Variants in KNDC1 observed in about 807,000 individuals in gnomAD.
The protein encoded by KNDC1 is kinase non-catalytic C-lobe domain-containing protein 1.
KNDC1 carries 106 observed loss-of-function variants against 172.8 expected under a neutral mutation model. The observed-to-expected ratio is 0.61, with a 90% confidence interval of 0.52 to 0.72. The LOEUF (loss-of-function observed/expected upper bound fraction) is 0.72, where lower values mean the gene tolerates loss of function less well. KNDC1 is among the 30% of genes least tolerant of loss of function. The pLI, the probability that KNDC1 is intolerant of heterozygous loss-of-function variation, is 0.00. For missense variants in KNDC1, 2,325 were observed against 2,394.5 expected (o/e 0.97, Z 0.61); for synonymous variants, 1,083 against 1,062.2 (o/e 1.02, Z -0.38).
In KNDC1 at chr10:133,184,091, C is replaced by CACTGCACACACACCCAT. The variant is rs1043349428; in HGVS notation, c.625+120_625+136dup. 1.6e-5 allele frequency: 10 copies of CACTGCACACACACCCAT among 623,046 alleles called. No individual in the cohort carries two copies. The South Asian group carries it at 2.2e-4, about 14-fold the overall frequency. 38.6% of individuals were successfully genotyped at this position (623,046 alleles called of 1,614,324 possible). Reference sequence around the variant, plus strand: ...GCAAACACACCCATGCACACACACACACTGCACACACACCCATACTGCACA... The same window carrying CACTGCACACACACCCAT: ...GCAAACACACCCATGCACACACACACACTGCACACACACCCATACTGCACACACACCCATACTGCACA... On this transcript the variant is annotated intron_variant, in intron 5 of 29. Coordinates refer to ENST00000304613, the MANE Select transcript of KNDC1 (RefSeq NM_152643.8).
intron 3 of KNDC1, among the ~76,000 whole-genome samples, chr10:133,172,420 G>A (rs1344211244): frequency 6.6e-6 from 1 of 152,054 alleles, no homozygotes; most frequent in Non-Finnish European, 1.5e-5. Flanking sequence ...AACCTAAATT[G>A]GGCAAGTGTC....
chr10:133,224,547 C>G lies in KNDC1; in HGVS notation c.5019-112C>G, dbSNP rs115627819. 6.7e-6 allele frequency: 5 copies of G among 743,420 alleles called. No homozygotes were observed. The East Asian group carries it at 1.3e-4, about 20-fold the overall frequency. 46.1% of individuals were successfully genotyped at this position (743,420 alleles called of 1,614,324 possible). A position where few individuals can be genotyped will look rare whatever the true frequency, so the allele number is the denominator to read the frequency against. ...GACAACCCACCCTTCAGAATTTACACGGTGAAAAGATTTAGTCCAAATGAT... is the reference window on the plus strand; with the variant it reads ...GACAACCCACCCTTCAGAATTTACAGGGTGAAAAGATTTAGTCCAAATGAT... On this transcript the variant is annotated intron_variant, in intron 29 of 29. Coordinates refer to ENST00000304613, the MANE Select transcript of KNDC1 (RefSeq NM_152643.8). This position sits in a 1 kb window ranked among gnomAD's most constrained non-coding sequence, Gnocchi z 5.4.
At chr10:133,188,735 G>GCCGTCCCACCCCCCACA (rs1232738330) in intron 7 of KNDC1, 82 bp downstream of exon 7, 1 of 501,680 alleles carries the variant, frequency 2.0e-6, no homozygotes, top group African/African-American at 5.5e-5. Context: ...CCACACCCCC[G>GCCGTCCCACCCCCCACA]CCGTCCCACC....
intron 15 of KNDC1, among the ~76,000 whole-genome samples, chr10:133,199,859 CA>C (rs1175318095): frequency 1.3e-5 from 2 of 152,158 alleles, no homozygotes; most frequent in Non-Finnish European, 2.9e-5. Context: ...GAATATGAGG[CA>C]GGGGCTCTCC....
intron 26 of KNDC1, among the ~76,000 whole-genome samples, chr10:133,218,475 C>T (rs958713777): frequency 3.9e-5 from 6 of 152,214 alleles, no homozygotes; most frequent in African/African-American, 2.4e-5. Flanking sequence ...CCTGTGGACA[C>T]GACAGCGGCC....
At chr10:133,222,429 A>G (rs1845617526) in intron 29 of KNDC1, among the ~76,000 whole-genome samples, 2 of 147,018 alleles carry the variant, frequency 1.4e-5, no homozygotes, top group South Asian at 2.2e-4. Context: ...GAGCCCATCC[A>G]GGCATGCTCT....
Position 133,209,884 on chromosome 10 carries a change from C to T in KNDC1, c.3795-727C>T, listed in dbSNP as rs910642517. Among the ~76,000 whole-genome samples, 2 of 152,046 alleles carry T rather than the reference C, an allele frequency of 1.3e-5. No homozygotes were observed. Among genetic ancestry groups the T allele is most frequent in the African/African-American group, 4.8e-5 (2 of 41,378 alleles). On this transcript the variant is annotated intron_variant, in intron 20 of 29. Transcript: ENST00000304613. This position sits in a 1 kb window ranked among gnomAD's most constrained non-coding sequence, Gnocchi z 4.9. ...GCCTCCGCTTCCTGACCGTGGCCGT[C>T]GGGCTCCCAGGACAGTCCCAGACCT...
chr10:133,167,074 C>T (rs552189919), intron 1 of KNDC1: 71 of 450,632 alleles, frequency 1.6e-4, no homozygotes, highest in African/African-American at 1.0e-3. Flanking sequence ...GGGTGCTCCA[C>T]GGAGCAGGTG....
chr10:133,197,795 C>T lies in KNDC1; in HGVS notation c.1906+27C>T, dbSNP rs182276554. 91 of 1,520,304 alleles carry T rather than the reference C, an allele frequency of 6.0e-5. No homozygotes were observed. In the African/African-American group the frequency reaches 1.1e-3, roughly 18 times the overall value. 94.2% of individuals were successfully genotyped at this position (1,520,304 alleles called of 1,614,324 possible). The stretch of plus-strand genomic sequence containing the variant: ...TGGGGACCTGACCAGCCCCTGCTGC[C>T]CCACCAGCTCCTGCACCTGACACCA... On this transcript the variant is annotated intron_variant, in intron 12 of 29. Coordinates refer to ENST00000304613, the MANE Select transcript of KNDC1 (RefSeq NM_152643.8).
Position 133,197,695 on chromosome 10 carries a change from C to T in KNDC1, c.1833C>T (p.Thr611=). 6.2e-7 allele frequency: 1 copy of T among 1,613,238 alleles called. No individual in the cohort carries two copies. The highest frequency in any genetic ancestry group is 1.1e-5 in the South Asian group (1 of 91,076). ...CCCAGGTGTACCAGGAGGAAGAGAC[C>T]ATCAGCCTCCAAAACGCCTTCTCAG... ...SICQVYQEEE[T]ISLQNAFSVV... is the part of the protein sequence containing the mutation. Residue 611 remains threonine, a synonymous_variant, in exon 12 of 30, where the codon ACC becomes ACT. Transcript: ENST00000304613.
chr10:133,207,874 G>A (rs1845247381), intron 20 of KNDC1, among the ~76,000 whole-genome samples: 1 of 152,206 alleles, frequency 6.6e-6, no homozygotes, highest in Non-Finnish European at 1.5e-5. Flanking sequence ...ACCTCCACCA[G>A]GGCCACAGGG....
chr10:133,191,104 C>T (rs1172356801), intron 9 of KNDC1, among the ~76,000 whole-genome samples: 1 of 152,158 alleles, frequency 6.6e-6, no homozygotes, highest in Non-Finnish European at 1.5e-5. Context: ...TTTGGGAGGC[C>T]AAGGCGGGCA....
In KNDC1 at chr10:133,163,157, C is replaced by T. The variant is rs370528800; in HGVS notation, c.102+2588C>T. ...CTGCAGAAGAGGCACACAGTCCAGG[C>T]GGCTGGAGTCGATGGATGGGCAATG... On this transcript the variant is annotated intron_variant, in intron 1 of 29. Transcript: ENST00000304613. The surrounding 1 kb of genome is among the most constrained non-coding windows in gnomAD (Gnocchi z 4.4). Among the ~76,000 whole-genome samples the T allele has an allele frequency of 2.2e-4, 33 of 152,266 alleles. No homozygotes were observed. The South Asian group carries it at 6.6e-3, about 31-fold the overall frequency.
Position 133,212,775 on chromosome 10 carries a change from C to T in KNDC1, c.4296C>T (p.Arg1432=). ...TGGTGCTGCCGCCACACAAGGAGCG[C>T]CCCTACACCATTGCTGCCGCCCTGC... The part of the protein sequence containing the change: ...NGLVLPPHKE[R]PYTIAAALPK... Residue 1432 remains arginine (R), a synonymous_variant, in exon 24 of 30, where the codon CGC becomes CGT. Coordinates refer to ENST00000304613, the MANE Select transcript of KNDC1 (RefSeq NM_152643.8). 1 of 1,613,932 alleles carries T rather than the reference C, an allele frequency of 6.2e-7. No homozygotes were observed.
rs1854027742 is a variant in KNDC1, at chr10:133,189,757, T to C, written c.1519T>C (p.Tyr507His). ...CAGTCGGGTTTCTCTCTTAGGTTCC[T>C]ATGACTCGTTCTTTCTGGCTCCCGA... ...LFQPPPANGS[Y>H]DSFFLAPELA... Residue 507 changes from tyrosine to histidine, a missense_variant, in exon 9 of 30, where the codon TAT (tyrosine) becomes CAT (histidine). Transcript: ENST00000304613. 6.2e-7 allele frequency: 1 copy of C among 1,614,080 alleles called. No homozygotes were observed. Among genetic ancestry groups the C allele is most frequent in the Non-Finnish European group, 8.5e-7 (1 of 1,179,998 alleles).
intron 17 of KNDC1, among the ~76,000 whole-genome samples, chr10:133,204,489 G>A (rs1403505438): frequency 1.3e-5 from 2 of 152,170 alleles, no homozygotes; most frequent in Admixed American, 1.3e-4. Flanking sequence ...CAGAGGCCTG[G>A]TCTTTACGCA....
chr10:133,221,420 C>G (rs1201934570), intron 29 of KNDC1, among the ~76,000 whole-genome samples: 1 of 151,630 alleles, frequency 6.6e-6, no homozygotes, highest in Non-Finnish European at 1.5e-5. Context: ...CAGGGGCCAG[C>G]CTCTCCTTGG....
Position 133,209,905 on chromosome 10 carries a change from G to C in KNDC1, c.3795-706G>C, listed in dbSNP as rs976093636. Among the ~76,000 whole-genome samples the C allele has an allele frequency of 2.0e-5, 3 of 152,132 alleles. No individual in the cohort carries two copies. The highest frequency in any genetic ancestry group is 7.2e-5 in the African/African-American group (3 of 41,418). ...CCGTCGGGCTCCCAGGACAGTCCCA[G>C]ACCTGCAGGCGGGGCCCTGGTCAGT... is the stretch of plus-strand genomic sequence containing the variant. On this transcript the variant is annotated intron_variant, in intron 20 of 29. Coordinates refer to ENST00000304613, the MANE Select transcript of KNDC1 (RefSeq NM_152643.8). The surrounding 1 kb of genome is among the most constrained non-coding windows in gnomAD (Gnocchi z 4.9).
intron 28 of KNDC1, 93 bp downstream of exon 28, chr10:133,219,183 G>A (rs561791187): frequency 4.8e-6 from 7 of 1,455,496 alleles, no homozygotes; most frequent in African/African-American, 1.4e-5. Context: ...CCAGACGCAG[G>A]CACCACAGAG....
Sources: allele counts gnomAD v4.1 joint callset (sites outside exome capture counted in the v4.1 genomes callset), GRCh38; gene constraint gnomAD v4.1.1; non-coding constraint Gnocchi (gnomAD v3.1); transcripts MANE v1.5; gene names NCBI Gene and HGNC (gene_info 2026-07-23, HGNC 2026-07-21).